Variants in ZCCHC4 observed in about 807,000 individuals in gnomAD.
The protein encoded by ZCCHC4 is rRNA N(6)-adenosine-methyltransferase ZCCHC4.
ZCCHC4 carries 54 observed loss-of-function variants against 67.7 expected under a neutral mutation model. The observed-to-expected ratio is 0.80, with a 90% CI of 0.64 to 1.00. The LOEUF is 1.00. ZCCHC4 is among the 50% of genes least tolerant of loss of function. The pLI is 0.00. For missense variants in ZCCHC4, 609 were observed against 617.0 expected, an observed-to-expected ratio of 0.99 and a Z score of 0.14; for synonymous variants, 198 against 213.5, an observed-to-expected ratio of 0.93 and a Z score of 0.63.
At chr4:25,362,064 G>T in intron 9 of ZCCHC4, 84 bp downstream of exon 9, 1 of 1,513,632 alleles carries the variant, frequency 6.6e-7, no homozygotes, top group Non-Finnish European at 8.9e-7. Context: ...TTTCAGTATT[G>T]AATCATGTTA....
intron 8 of ZCCHC4, among the ~76,000 whole-genome samples, chr4:25,361,347 G>A (rs1046300965): frequency 7.2e-5 from 11 of 152,212 alleles, no homozygotes; most frequent in African/African-American, 2.4e-4. Flanking sequence ...CTTGTCCAAG[G>A]AGGTGGAGTG....
chr4:25,362,403 G>C, intron 10 of ZCCHC4, 102 bp downstream of exon 10: 3 of 613,416 alleles, frequency 4.9e-6, no homozygotes, highest in Non-Finnish European at 7.7e-6. Context: ...AATAGGATTT[G>C]TATTAATATG....
chr4:25,362,682 C>T (rs1049629620), intron 10 of ZCCHC4, among the ~76,000 whole-genome samples: 2 of 152,142 alleles, frequency 1.3e-5, no homozygotes, highest in African/African-American at 4.8e-5. Flanking sequence ...ATGTACTGTG[C>T]ACTTTTAATA....
chr4:25,325,978 G>C (rs2671452), intron 3 of ZCCHC4, among the ~76,000 whole-genome samples: 30,962 of 152,086 alleles, frequency 0.2, 4,117 homozygotes, highest in African/African-American at 0.37. Context: ...TTTCCTTGTT[G>C]AATTGATTTG....
At chr4:25,358,218 T>C (rs1328676532) in intron 8 of ZCCHC4, among the ~76,000 whole-genome samples, 5 of 152,180 alleles carry the variant, frequency 3.3e-5, no homozygotes, top group African/African-American at 1.2e-4. Flanking sequence ...AGAACAACAA[T>C]AATTGTGAAC....
In ZCCHC4 at chr4:25,338,921, G is replaced by A. The variant is rs184863810; in HGVS notation, c.686+4933G>A. Among the ~76,000 whole-genome samples the A allele has an allele frequency of 3.8e-3, 581 of 152,204 alleles. 2 individuals are homozygous for A. The highest frequency in any genetic ancestry group is 5.9e-3 in the Non-Finnish European group (398 of 68,000). On this transcript the variant is annotated intron_variant, in intron 5 of 12. Transcript: ENST00000302874. The stretch of plus-strand genomic sequence containing the variant: ...AGATCTCTTGGGTATTAGTTTGTTA[G>A]GGCTGCCGTAACAAAATACCACAGA...
chr4:25,368,604 G>T lies in ZCCHC4; in HGVS notation c.1407-425G>T, dbSNP rs1047265319. Among the ~76,000 whole-genome samples the T allele has an allele frequency of 3.3e-5, 5 of 152,084 alleles. No homozygotes were observed. The East Asian group carries it at 7.7e-4, about 23-fold the overall frequency. On this transcript the variant is annotated intron_variant, in intron 12 of 12. Transcript: ENST00000302874. ...GCTTCTCGGTTTTTTCCATTGTGCT[G>T]TTTCATTTTTCTGTCTCTGCTGACT...
chr4:25,367,629 A>G (rs953721738), intron 12 of ZCCHC4, among the ~76,000 whole-genome samples: 1 of 152,214 alleles, frequency 6.6e-6, no homozygotes, highest in African/African-American at 2.4e-5. Flanking sequence ...TGCATGAATC[A>G]GTATAATACT....
rs896908018 is a variant in ZCCHC4, at chr4:25,346,251, G to A, written c.759+631G>A. Reference sequence around the variant, plus strand: ...AATAAAAGTTCTTTAAAAAAAAAAAGGACTGCAGTTTAAAAAAGCTTCTTT... The same window carrying A: ...AATAAAAGTTCTTTAAAAAAAAAAAAGACTGCAGTTTAAAAAAGCTTCTTT... On this transcript the variant is annotated intron_variant, in intron 6 of 12. Transcript: ENST00000302874. Among the ~76,000 whole-genome samples, 291 of 150,678 alleles carry A rather than the reference G, an allele frequency of 1.9e-3. 3 individuals are homozygous for A. Among genetic ancestry groups the A allele is most frequent in the Non-Finnish European group, 2.5e-3 (166 of 67,732 alleles).
intron 12 of ZCCHC4, chr4:25,365,704 C>T: frequency 1.0e-6 from 1 of 985,030 alleles, no homozygotes. Context: ...TGATTATTTT[C>T]ACATCTCTCA....
At chr4:25,320,191 T>A (rs919297677) in intron 3 of ZCCHC4, among the ~76,000 whole-genome samples, 1 of 152,160 alleles carries the variant, frequency 6.6e-6, no homozygotes, top group Non-Finnish European at 1.5e-5. Flanking sequence ...GCTTTTTTTT[T>A]TATAGTTTTT....
chr4:25,347,081 G>A (rs543450253), intron 6 of ZCCHC4, among the ~76,000 whole-genome samples: 1 of 152,342 alleles, frequency 6.6e-6, no homozygotes, highest in Non-Finnish European at 1.5e-5. Flanking sequence ...TGTCCCCCTT[G>A]AAACCACAGG....
chr4:25,367,909 T>A (rs183587572), intron 12 of ZCCHC4, among the ~76,000 whole-genome samples: 1 of 152,332 alleles, frequency 6.6e-6, no homozygotes, highest in East Asian at 1.9e-4. Context: ...AAGCTGGTTC[T>A]GCAAGTTCCT....
At chr4:25,365,550 G>A (rs1040661405) in intron 12 of ZCCHC4, 28 of 991,622 alleles carry the variant, frequency 2.8e-5, no homozygotes, top group Middle Eastern at 5.1e-4. Flanking sequence ...AGGAAAGGCT[G>A]GAGAAGGCAT....
chr4:25,366,398 C>T (rs949480398), intron 12 of ZCCHC4: 1 of 476,634 alleles, frequency 2.1e-6, no homozygotes, highest in Non-Finnish European at 2.7e-6. Flanking sequence ...TCACTGTAAG[C>T]TCCGCCTCCC....
intron 8 of ZCCHC4, chr4:25,352,028 C>T: frequency 9.9e-7 from 1 of 1,010,010 alleles, no homozygotes; most frequent in Non-Finnish European, 1.2e-6. Flanking sequence ...TTTGCAGCCC[C>T]CCCACCCCTG....
chr4:25,364,964 A>AAT (rs1051624209), intron 11 of ZCCHC4, 58 bp from the exon 12 acceptor site: 81 of 1,605,448 alleles, frequency 5.0e-5, no homozygotes, highest in Non-Finnish European at 6.7e-5. Context: ...TTAAAAGTTA[A>AAT]TAAGATGAAA....
chr4:25,331,204 C>T (rs1719164534), intron 3 of ZCCHC4, among the ~76,000 whole-genome samples: 1 of 152,194 alleles, frequency 6.6e-6, no homozygotes, highest in Non-Finnish European at 1.5e-5. Flanking sequence ...CCGATATCTT[C>T]AAACTGCTTT....
At chr4:25,362,675 T>C (rs930752562) in intron 10 of ZCCHC4, among the ~76,000 whole-genome samples, 1 of 152,188 alleles carries the variant, frequency 6.6e-6, no homozygotes, top group African/African-American at 2.4e-5. Context: ...TAATAACATG[T>C]ACTGTGCACT....
Sources: gnomAD v4.1 joint callset for allele counts (sites outside exome capture counted in the v4.1 genomes callset) on GRCh38, gnomAD v4.1.1 for gene constraint, MANE v1.5 for transcripts, NCBI Gene and HGNC (gene_info 2026-07-23, HGNC 2026-07-21) for gene names.